Variants in CCDC187 observed in about 807,000 individuals in gnomAD.
CCDC187 encodes coiled-coil domain containing 187, also known as coiled-coil domain-containing protein 187.
In CCDC187, 32 loss-of-function variants were observed where a neutral mutation model predicts 38.0. The ratio of observed to expected loss-of-function variants is 0.84; its 90% CI spans 0.64 to 1.13. The LOEUF (loss-of-function observed/expected upper bound fraction) is 1.13, where lower values mean the gene tolerates loss of function less well. Among genes scored for constraint, CCDC187 ranks in the 50% most tolerant of loss-of-function variants. The probability of loss-of-function intolerance (pLI) is 0.00; values close to 1 mark genes in which losing one functional copy is unlikely to be tolerated. For synonymous variants in CCDC187, 333 were observed against 347.9 expected (o/e 0.96, Z 0.48); for missense variants, 707 against 786.8 (o/e 0.90, Z 1.21).
chr9:136,259,382 C>T lies in CCDC187; in HGVS notation c.4277G>A (p.Arg1426Gln), dbSNP rs1192107014. The T allele has an allele frequency of 1.9e-5, 19 of 984,680 alleles. No individual in the cohort carries two copies. The highest frequency in any genetic ancestry group is 2.3e-5 in the Non-Finnish European group (19 of 829,870). The allele number at this position is 984,680 out of a possible 1,614,324, so 61.0% of individuals were successfully genotyped here. ...GCGTACGGGAAAGGCTGGGCCCAGCCGCTGTCCGTCCGGGGGGCTCACGTG... is the reference window on the plus strand; with the variant it reads ...GCGTACGGGAAAGGCTGGGCCCAGCTGCTGTCCGTCCGGGGGGCTCACGTG... ...LQHVSPPDGQ[R>Q]LGPAFPAEEA... Residue 1426 changes from arginine to glutamine, a missense_variant, in exon 21 of 26, where the codon CGG becomes CAG. Physicochemically the swap from Arg to Gln is conservative, Grantham distance 43. Coordinates refer to ENST00000638797, the MANE Select transcript of CCDC187 (RefSeq NM_001378188.1).
chr9:136,268,703 G>A (rs1554761986), intron 14 of CCDC187, among the ~76,000 whole-genome samples: 3 of 152,152 alleles, frequency 2.0e-5, no homozygotes, highest in African/African-American at 7.2e-5. Flanking sequence ...ACACACACAT[G>A]TGTGTTTATA....
chr9:136,267,670 C>G (rs1830771180), intron 15 of CCDC187, 159 bp from the exon 16 acceptor site: 1 of 957,366 alleles, frequency 1.0e-6, no homozygotes, highest in Non-Finnish European at 1.2e-6. Flanking sequence ...GCCCGCCCCT[C>G]CCATCCCCCT....
chr9:136,294,355 C>T (rs1381960940), intron 4 of CCDC187, among the ~76,000 whole-genome samples: 10 of 152,360 alleles, frequency 6.6e-5, no homozygotes, highest in African/African-American at 2.4e-4. Flanking sequence ...CTCACACACA[C>T]TGCTTATTCC....
chr9:136,267,679 C>CT (rs1830771373), intron 15 of CCDC187, 168 bp from the exon 16 acceptor site: 1 of 946,294 alleles, frequency 1.1e-6, no homozygotes, highest in African/African-American at 1.8e-5. Flanking sequence ...TCCCATCCCC[C>CT]TATGCCGCCC....
chr9:136,299,567 GC>G (rs1323208405), intron 3 of CCDC187, among the ~76,000 whole-genome samples: 1 of 152,226 alleles, frequency 6.6e-6, no homozygotes, highest in Non-Finnish European at 1.5e-5. Context: ...GAGTGAGCCT[GC>G]CCAAGCCCAG....
intron 19 of CCDC187, 112 bp downstream of exon 19, chr9:136,262,199 C>A: frequency 2.0e-5 from 19 of 940,732 alleles, no homozygotes; most frequent in Non-Finnish European, 2.4e-5. Flanking sequence ...CACGTGCCAC[C>A]CCGGCCCCTG....
chr9:136,261,150 C>T (rs1189102090), intron 19 of CCDC187, among the ~76,000 whole-genome samples: 2 of 152,122 alleles, frequency 1.3e-5, no homozygotes, highest in Admixed American at 1.3e-4. Context: ...CCAGCTTCTT[C>T]CTCACTCCCG....
At chr9:136,277,569 C>G (rs925121515) in intron 10 of CCDC187, among the ~76,000 whole-genome samples, 7 of 151,984 alleles carry the variant, frequency 4.6e-5, no homozygotes, top group African/African-American at 1.5e-4. Context: ...GTCCAGGGCT[C>G]TCCTTGGAAT....
At chr9:136,306,435 G>A (rs1032384397), upstream of CCDC187, among the ~76,000 whole-genome samples, 1 of 152,348 alleles carries the variant, frequency 6.6e-6, no homozygotes, top group East Asian at 1.9e-4. Flanking sequence ...CCTGGGGGCA[G>A]GAAGTAGCCT....
chr9:136,300,512 C>T (rs1228711354), intron 2 of CCDC187, among the ~76,000 whole-genome samples, 194 bp from the exon 3 acceptor site: 1 of 152,180 alleles, frequency 6.6e-6, no homozygotes, highest in Non-Finnish European at 1.5e-5. Context: ...CTCTTGGGTT[C>T]AAGCGAGTCT....
Position 136,292,275 on chromosome 9 carries a change from A to C in CCDC187, c.853T>G (p.Tyr285Asp). Residue 285 changes from tyrosine to aspartate, a missense_variant, in exon 5 of 26, where the codon TAC becomes GAC. Transcript: ENST00000638797. ...AGAGCTTGTCCCTTTCTCCAGGCGT[A>C]AACACCAACCAGCTCCGAATCTTAA... ...KDEDSELVGV[Y>D]AWRKGQALVR... The C allele has an allele frequency of 2.5e-6, 1 of 398,774 alleles. No homozygotes were observed. Among genetic ancestry groups the C allele is most frequent in the Non-Finnish European group, 4.4e-6 (1 of 226,168 alleles). 24.7% of individuals were successfully genotyped at this position (398,774 alleles called of 1,614,324 possible).
intron 10 of CCDC187, among the ~76,000 whole-genome samples, chr9:136,280,617 T>C (rs1026303949): frequency 3.9e-4 from 59 of 152,224 alleles, no homozygotes; most frequent in African/African-American, 1.2e-3. Context: ...ATGCTATCAG[T>C]TGGGGAGGAC....
chr9:136,267,958 T>C (rs1830778499), intron 15 of CCDC187, 91 bp downstream of exon 15: 1 of 985,424 alleles, frequency 1.0e-6, no homozygotes, highest in African/African-American at 1.7e-5. Flanking sequence ...TGGCCCTTCT[T>C]AGTGGAAGGA....
At chr9:136,296,334 C>G (rs1831534696) in intron 4 of CCDC187, 2 of 152,244 alleles carry the variant, frequency 1.3e-5, no homozygotes, top group Non-Finnish European at 2.9e-5. Flanking sequence ...GCTGGTGTCT[C>G]CAAAACGCTG....
rs553402728 is a variant in CCDC187, at chr9:136,254,920, C to T, written c.4908G>A (p.Ala1636=). ...CPSLWEFQKA[A]ATLIQLSGSS... ...TCCCAGAAAGCTGGATCAGGGTAGC[C>T]GCTGCTTTCTGGAACTCCCAGAGAG... Residue 1636 remains alanine, a synonymous_variant, in exon 26 of 26, where the codon GCG becomes GCA. Coordinates refer to ENST00000638797, the MANE Select transcript of CCDC187 (RefSeq NM_001378188.1). The T allele has an allele frequency of 1.3e-4, 128 of 985,474 alleles. No homozygotes were observed. Among genetic ancestry groups the T allele is most frequent in the Admixed American group, 4.3e-4 (7 of 16,286 alleles). The allele number at this position is 985,474 out of a possible 1,614,324, so 61.0% of individuals were successfully genotyped here.
At chr9:136,306,481 G>A (rs970511313), upstream of CCDC187, among the ~76,000 whole-genome samples, 18 of 152,184 alleles carry the variant, frequency 1.2e-4, no homozygotes, top group African/African-American at 3.9e-4. Flanking sequence ...GATGCTTATC[G>A]CTGGAAGAGC....
chr9:136,306,815 C>G (rs1434478227), upstream of CCDC187: 3 of 152,298 alleles, frequency 2.0e-5, no homozygotes, highest in Non-Finnish European at 4.4e-5. Context: ...CACACACCTC[C>G]CCTTCCCAGC....
At chr9:136,259,795 C>T (rs539697347) in intron 20 of CCDC187, among the ~76,000 whole-genome samples, 52 of 152,198 alleles carry the variant, frequency 3.4e-4, no homozygotes, top group South Asian at 2.7e-3. Context: ...TGCACGTGGC[C>T]CAGGGGCTCT....
At chr9:136,282,887 A>G (rs1296859110) in intron 9 of CCDC187, among the ~76,000 whole-genome samples, 1 of 152,206 alleles carries the variant, frequency 6.6e-6, no homozygotes, top group Non-Finnish European at 1.5e-5. Context: ...GGTGGCTAGA[A>G]GCCCCAGTGC....
Sources: allele counts gnomAD v4.1 joint callset (sites outside exome capture counted in the v4.1 genomes callset), GRCh38; gene constraint gnomAD v4.1.1; transcripts MANE v1.5; gene names NCBI Gene and HGNC (gene_info 2026-07-23, HGNC 2026-07-21).